The following CERS6 variants were observed in gnomAD, a reference collection of about 807,000 sequenced individuals.
CERS6 encodes the protein ceramide synthase 6.
Under a neutral mutation model 56.8 loss-of-function variants are expected in CERS6, and 26 were observed. That is an observed-to-expected ratio of 0.46 (90% CI 0.34 to 0.63). The LOEUF (loss-of-function observed/expected upper bound fraction) is 0.63. CERS6 is among the 30% of genes least tolerant of loss of function. The pLI, the probability that CERS6 is intolerant of heterozygous loss-of-function variation, is 0.01. For missense variants in CERS6, 415 were observed against 467.5 expected (o/e 0.89, Z 1.04); for synonymous variants, 164 against 173.3 (o/e 0.95, Z 0.42).
At chr2:168,688,645 C>T (rs1003542011) in intron 4 of CERS6, among the ~76,000 whole-genome samples, 5 of 152,126 alleles carry the variant, frequency 3.3e-5, no homozygotes, top group African/African-American at 7.2e-5. Context: ...TAATACCTGA[C>T]GTTGTCAGAG....
rs184535471 is a variant in CERS6 at position 168,709,690 on chromosome 2, G to A, written c.610-5311G>A. 3.9e-5 allele frequency among the ~76,000 whole-genome samples: 6 copies of A among 152,238 alleles called. No individual in the cohort carries two copies. In the East Asian group the frequency reaches 1.2e-3, roughly 29 times the overall value. ...TTAATTGCAGTTATAGAAAATGCAG[G>A]AAAACATTTCAACCTAAAATGCTAA... On this transcript the variant is annotated intron_variant, in intron 6 of 9. Transcript: ENST00000305747.
chr2:168,655,429 C>T (rs1685445989), intron 4 of CERS6, among the ~76,000 whole-genome samples: 1 of 152,206 alleles, frequency 6.6e-6, no homozygotes, highest in African/African-American at 2.4e-5. Context: ...ACCTGCACTC[C>T]CATTCTCCTT....
intron 7 of CERS6, among the ~76,000 whole-genome samples, chr2:168,716,717 G>T (rs1202798418): frequency 6.6e-6 from 1 of 152,098 alleles, no homozygotes; most frequent in African/African-American, 2.4e-5. Flanking sequence ...CTAGCCAGGA[G>T]AAGGTAGAAG....
chr2:168,704,508 C>T (rs1485247066), intron 6 of CERS6, among the ~76,000 whole-genome samples: 6 of 152,158 alleles, frequency 3.9e-5, no homozygotes, highest in Admixed American at 1.3e-4. Context: ...CACTTTCCAT[C>T]CCCATAAATA....
intron 1 of CERS6, among the ~76,000 whole-genome samples, chr2:168,524,811 A>G (rs1434026367): frequency 2.6e-5 from 4 of 151,708 alleles, no homozygotes. Flanking sequence ...CACAGTGACT[A>G]TGCCATTATA....
intron 4 of CERS6, among the ~76,000 whole-genome samples, chr2:168,681,373 T>A (rs1686210899): frequency 6.6e-6 from 1 of 152,256 alleles, no homozygotes; most frequent in Non-Finnish European, 1.5e-5. Context: ...AGCTATATCC[T>A]GTGCTATTAA....
chr2:168,594,932 T>A (rs1683763793), intron 3 of CERS6, among the ~76,000 whole-genome samples: 1 of 152,204 alleles, frequency 6.6e-6, no homozygotes, highest in Non-Finnish European at 1.5e-5. Context: ...GTATGGTGGT[T>A]TGCTGATTGA....
intron 6 of CERS6, among the ~76,000 whole-genome samples, chr2:168,713,257 G>A (rs1011226657): frequency 1.2e-4 from 18 of 152,036 alleles, no homozygotes; most frequent in African/African-American, 4.1e-4. Flanking sequence ...TCATAATCAC[G>A]ATGTGCTCAT....
chr2:168,743,456 G>A (rs1221867031), intron 8 of CERS6, among the ~76,000 whole-genome samples: 1 of 152,078 alleles, frequency 6.6e-6, no homozygotes, highest in East Asian at 1.9e-4. Flanking sequence ...GCAACAGGGC[G>A]AAACCCTGTC....
chr2:168,659,363 C>T (rs1265436182), intron 4 of CERS6, among the ~76,000 whole-genome samples: 1 of 152,138 alleles, frequency 6.6e-6, no homozygotes, highest in Non-Finnish European at 1.5e-5. Context: ...ATTTCCTACC[C>T]CTAGATTTTT....
chr2:168,471,391 G>C (rs558691214), intron 1 of CERS6, among the ~76,000 whole-genome samples: 6 of 152,224 alleles, frequency 3.9e-5, no homozygotes, highest in African/African-American at 1.4e-4. Flanking sequence ...CACTTTCAAT[G>C]TTATTTATTA....
intron 2 of CERS6, among the ~76,000 whole-genome samples, chr2:168,558,640 C>T (rs929627470): frequency 1.1e-4 from 16 of 152,122 alleles, no homozygotes; most frequent in African/African-American, 3.1e-4. Context: ...GAGGCCAAGG[C>T]GGGTGGATCA....
Position 168,770,799 on chromosome 2 carries a change from C to A in CERS6, c.*1137C>A, listed in dbSNP as rs1316700564. ...CTTTGCTTTTCTCCTTAAACGTAAT[C>A]CAGATGACTTTCCTGTTACTAAACA... is the stretch of plus-strand genomic sequence containing the variant. On this transcript the variant is annotated 3_prime_UTR_variant, in exon 10 of 10. Transcript: ENST00000305747. 1 of 152,462 alleles carries A rather than the reference C, an allele frequency of 6.6e-6. No homozygotes were observed. The highest frequency in any genetic ancestry group is 1.5e-5 in the Non-Finnish European group (1 of 68,024). 9.4% of individuals were successfully genotyped at this position (152,462 alleles called of 1,614,324 possible). A position where few individuals can be genotyped will look rare whatever the true frequency, so the allele number is the denominator to read the frequency against.
At chr2:168,641,950 G>A (rs1168529668) in intron 4 of CERS6, among the ~76,000 whole-genome samples, 1 of 151,472 alleles carries the variant, frequency 6.6e-6, no homozygotes, top group Non-Finnish European at 1.5e-5. Context: ...AATTTTTTGG[G>A]GAAAACAACT....
At chr2:168,736,130 G>A (rs1297562868) in intron 8 of CERS6, among the ~76,000 whole-genome samples, 1 of 152,156 alleles carries the variant, frequency 6.6e-6, no homozygotes, top group Non-Finnish European at 1.5e-5. Context: ...GATAAAATCA[G>A]CACTCTTCTC....
chr2:168,645,114 A>ATAT lies in CERS6; in HGVS notation c.465+14072_465+14073insTAT, dbSNP rs1559034012. Among the ~76,000 whole-genome samples the ATAT allele has an allele frequency of 2.3e-4, 8 of 34,358 alleles. 1 individual carries two copies. Among genetic ancestry groups the ATAT allele is most frequent in the Non-Finnish European group, 3.9e-4 (7 of 17,966 alleles). 22.5% of individuals were successfully genotyped at this position (34,358 alleles called of 152,430 possible). On this transcript the variant is annotated intron_variant, in intron 4 of 9. Transcript: ENST00000305747. ...TTAAAAAAAAAAAAAAAAAAAAAAA[A>ATAT]AAATATATATATATATATATATATA... is the stretch of plus-strand genomic sequence containing the variant.
At chr2:168,495,143 A>C (rs1185365310) in intron 1 of CERS6, among the ~76,000 whole-genome samples, 1 of 152,208 alleles carries the variant, frequency 6.6e-6, no homozygotes, top group Admixed American at 6.5e-5. Context: ...CATATTAACC[A>C]AGAAACATAG....
At chr2:168,759,335 G>A (rs1348304153) in intron 8 of CERS6, among the ~76,000 whole-genome samples, 1 of 152,168 alleles carries the variant, frequency 6.6e-6, no homozygotes, top group Non-Finnish European at 1.5e-5. Context: ...TCTGTACTGG[G>A]ACTCACCCTT....
chr2:168,736,161 G>A (rs1040640069), intron 8 of CERS6, among the ~76,000 whole-genome samples: 12 of 152,274 alleles, frequency 7.9e-5, no homozygotes, highest in South Asian at 2.1e-4. Context: ...TACCATTACT[G>A]TAAGTAAGTG....
Sources: allele counts gnomAD v4.1 joint callset (sites outside exome capture counted in the v4.1 genomes callset), GRCh38; gene constraint gnomAD v4.1.1; transcripts MANE v1.5; gene names NCBI Gene and HGNC (gene_info 2026-07-23, HGNC 2026-07-21).